SPATA31H1: variants seen among roughly 807,000 people sequenced by gnomAD.
SPATA31H1 encodes SPATA31 subfamily H member 1.
At chr2:27,564,045 A>G in the SPATA31H1 span, among the ~76,000 whole-genome samples, 1 of 151,964 alleles carries the variant, frequency 6.6e-6, no homozygotes, top group African/African-American at 2.4e-5. Flanking sequence ...TTCCAAGGAG[A>G]TTTACATTTA....
chr2:27,539,101 C>CATTTT, the SPATA31H1 span, among the ~76,000 whole-genome samples: 1 of 94,642 alleles, frequency 1.1e-5, no homozygotes, highest in Non-Finnish European at 2.1e-5. Flanking sequence ...TCATCATTTT[C>CATTTT]TTTTTTTTTT....
At chr2:27,574,784 C>T in the SPATA31H1 span, 2 of 398,198 alleles carry the variant, frequency 5.0e-6, no homozygotes, top group Admixed American at 8.8e-5. Context: ...TCAACTCGGG[C>T]CCACAGTGGC....
At chr2:27,577,337 A>C in the SPATA31H1 span, 2 of 1,614,122 alleles carry the variant, frequency 1.2e-6, no homozygotes, top group Non-Finnish European at 1.7e-6. This position sits in a 1 kb window ranked among gnomAD's most constrained non-coding sequence, Gnocchi z 4.5. Flanking sequence ...ATATGAAGCC[A>C]CTGCAGCAAA....
the SPATA31H1 span, chr2:27,571,247 A>C: frequency 5.0e-6 from 2 of 398,330 alleles, no homozygotes; most frequent in African/African-American, 4.1e-5. Flanking sequence ...CCCCGGGCTC[A>C]AAGCTTCAAT....
the SPATA31H1 span, chr2:27,581,662 C>G: frequency 6.2e-7 from 1 of 1,613,312 alleles, no homozygotes; most frequent in Non-Finnish European, 8.5e-7. Context: ...CATCGCAGTC[C>G]CTCTCAGAGG....
At chr2:27,550,587 T>C in the SPATA31H1 span, among the ~76,000 whole-genome samples, 1 of 151,422 alleles carries the variant, frequency 6.6e-6, no homozygotes, top group African/African-American at 2.4e-5. Context: ...CCTGGCTAAT[T>C]TTTGTATTTT....
At chr2:27,582,561 G>GTCT in the SPATA31H1 span, 2 of 1,537,284 alleles carry the variant, frequency 1.3e-6, no homozygotes, top group Non-Finnish European at 1.8e-6. Context: ...ATTGTCCTAA[G>GTCT]TCTTCATCGT....
chr2:27,576,680 G>A, the SPATA31H1 span: 1 of 1,614,044 alleles, frequency 6.2e-7, no homozygotes, highest in Non-Finnish European at 8.5e-7. Context: ...CAACTAGGAA[G>A]TTCCCATCAG....
At chr2:27,537,694 A>G in the SPATA31H1 span, 1 of 633,218 alleles carries the variant, frequency 1.6e-6, no homozygotes, top group Non-Finnish European at 2.8e-6. Context: ...GTGCCCATGG[A>G]TAGTCTTCCT....
At chr2:27,542,524 G>C in the SPATA31H1 span, among the ~76,000 whole-genome samples, 1 of 152,042 alleles carries the variant, frequency 6.6e-6, no homozygotes, top group Non-Finnish European at 1.5e-5. Context: ...ATATTTGACA[G>C]ATATAGAATA....
chr2:27,556,692 A>ATT, the SPATA31H1 span, among the ~76,000 whole-genome samples: 2,197 of 131,110 alleles, frequency 0.017, 56 homozygotes, highest in African/African-American at 0.056. Flanking sequence ...AAGGGCATAT[A>ATT]TTTTTTTTTT....
the SPATA31H1 span, among the ~76,000 whole-genome samples, chr2:27,560,687 GAC>G: frequency 6.6e-6 from 1 of 152,140 alleles, no homozygotes; most frequent in Non-Finnish European, 1.5e-5. Flanking sequence ...TCGATCTCCT[GAC>G]CTCGTGATCC....
the SPATA31H1 span, among the ~76,000 whole-genome samples, chr2:27,556,705 T>TTA: frequency 7.0e-6 from 1 of 143,396 alleles, no homozygotes; most frequent in African/African-American, 2.7e-5. Context: ...TTTTTTTTTT[T>TTA]AATTAATTTA....
chr2:27,537,526 A>G, the SPATA31H1 span: 8 of 717,202 alleles, frequency 1.1e-5, no homozygotes, highest in Middle Eastern at 2.3e-4. Context: ...ACTGTTTTCC[A>G]GGAATCGGAG....
chr2:27,568,165 T>C, the SPATA31H1 span: 9 of 398,994 alleles, frequency 2.3e-5, no homozygotes, highest in East Asian at 3.2e-4. Context: ...CATCCATGTA[T>C]AGAATCAGTG....
chr2:27,566,153 C>T, the SPATA31H1 span: 18 of 716,876 alleles, frequency 2.5e-5, no homozygotes, highest in Middle Eastern at 4.6e-4. Flanking sequence ...GAAAGTTAGA[C>T]GTAAAGTACC....
chr2:27,573,300 G>C, the SPATA31H1 span: 1 of 397,206 alleles, frequency 2.5e-6, no homozygotes, highest in Non-Finnish European at 4.4e-6. Context: ...AGGTGTAAAA[G>C]ATGTGGAGTC....
chr2:27,562,757 C>T, the SPATA31H1 span, among the ~76,000 whole-genome samples: 107 of 150,566 alleles, frequency 7.1e-4, no homozygotes, highest in African/African-American at 2.3e-3. Context: ...CCTGGTGGTG[C>T]GCACATGTAG....
chr2:27,545,166 G>C, the SPATA31H1 span, among the ~76,000 whole-genome samples: 3 of 151,712 alleles, frequency 2.0e-5, no homozygotes, highest in African/African-American at 4.9e-5. Flanking sequence ...GGGACTACAG[G>C]CATGCACCAC....
Sources: gnomAD v4.1 joint callset for allele counts (sites outside exome capture counted in the v4.1 genomes callset) on GRCh38, gnomAD v4.1.1 for gene constraint, Gnocchi (gnomAD v3.1) non-coding constraint, MANE v1.5 for transcripts, NCBI Gene and HGNC (gene_info 2026-07-23, HGNC 2026-07-21) for gene names.